GPC5: variants seen among roughly 807,000 people sequenced by gnomAD.
GPC5 encodes the protein glypican-5.
In GPC5, 47 loss-of-function variants were observed where a neutral mutation model predicts 53.9. That is an observed-to-expected ratio of 0.87 (90% CI 0.69 to 1.11). The LOEUF (loss-of-function observed/expected upper bound fraction) is 1.11. GPC5 is among the 50% of genes most tolerant of loss of function. The probability of loss-of-function intolerance (pLI) is 0.00; values close to 1 mark genes in which losing one functional copy is unlikely to be tolerated. For synonymous variants in GPC5, 286 were observed against 263.3 expected (o/e 1.09, Z -0.84); for missense variants, 748 against 713.1 (o/e 1.05, Z -0.56).
At chr13:92,731,347 C>T (rs1888797974) in intron 7 of GPC5, among the ~76,000 whole-genome samples, 1 of 151,270 alleles carries the variant, frequency 6.6e-6, no homozygotes, top group South Asian at 2.1e-4. Context: ...AACAAAAATA[C>T]AGTGGTGACT....
At chr13:91,404,090 T>A (rs1438223443) in intron 1 of GPC5, among the ~76,000 whole-genome samples, 8 of 152,234 alleles carry the variant, frequency 5.3e-5, no homozygotes, top group Non-Finnish European at 1.2e-4. Flanking sequence ...TTTTTCCTTG[T>A]TTCCAGCCTG....
At chr13:92,237,516 A>G (rs2042579321) in intron 7 of GPC5, among the ~76,000 whole-genome samples, 1 of 152,054 alleles carries the variant, frequency 6.6e-6, no homozygotes, top group South Asian at 2.1e-4. Context: ...CCACACCCTG[A>G]CAGTCTTGTG....
chr13:92,178,550 A>G (rs1471080051), intron 7 of GPC5, among the ~76,000 whole-genome samples: 1 of 151,580 alleles, frequency 6.6e-6, no homozygotes, highest in Non-Finnish European at 1.5e-5. Flanking sequence ...TTATATATTT[A>G]TATGCCAGCT....
intron 6 of GPC5, among the ~76,000 whole-genome samples, chr13:92,069,444 GTGTA>G (rs1482999299): frequency 1.4e-5 from 2 of 138,814 alleles, no homozygotes; most frequent in African/African-American, 5.3e-5. Flanking sequence ...GTGTGTGTGT[GTGTA>G]TTCCTTGGGA....
intron 5 of GPC5, among the ~76,000 whole-genome samples, chr13:91,867,161 G>A (rs2039093899): frequency 6.6e-6 from 1 of 152,234 alleles, no homozygotes; most frequent in Non-Finnish European, 1.5e-5. Flanking sequence ...GTTGTGGCAA[G>A]CCGAGGTCAC....
intron 7 of GPC5, among the ~76,000 whole-genome samples, chr13:92,318,399 C>A (rs1486245287): frequency 6.6e-6 from 1 of 152,112 alleles, no homozygotes; most frequent in African/African-American, 2.4e-5. Context: ...AGTAACACAG[C>A]CTTCTACATT....
At chr13:92,087,447 A>G (rs2041344424) in intron 6 of GPC5, among the ~76,000 whole-genome samples, 1 of 152,162 alleles carries the variant, frequency 6.6e-6, no homozygotes, top group Non-Finnish European at 1.5e-5. Flanking sequence ...GTTACCCTCC[A>G]TTATCTTCCC....
At chr13:92,587,778 G>A (rs1326084407) in intron 7 of GPC5, among the ~76,000 whole-genome samples, 1 of 152,058 alleles carries the variant, frequency 6.6e-6, no homozygotes, top group African/African-American at 2.4e-5. Flanking sequence ...CACTCCTGGA[G>A]GCAGCCATGC....
At chr13:92,655,429 G>T (rs1322754644) in intron 7 of GPC5, among the ~76,000 whole-genome samples, 1 of 151,906 alleles carries the variant, frequency 6.6e-6, no homozygotes, top group South Asian at 2.1e-4. Context: ...CCGCTTCCTC[G>T]GTTCAAGCGA....
At chr13:92,253,866 A>C (rs1475414765) in intron 7 of GPC5, among the ~76,000 whole-genome samples, 1 of 152,134 alleles carries the variant, frequency 6.6e-6, no homozygotes, top group Admixed American at 6.6e-5. Context: ...TTAGGGTCCC[A>C]AAAGGAATAA....
At chr13:92,121,305 C>G (rs149873510) in intron 6 of GPC5, among the ~76,000 whole-genome samples, 29 of 152,108 alleles carry the variant, frequency 1.9e-4, no homozygotes, top group African/African-American at 6.5e-4. Context: ...GGTGAAAGTT[C>G]TGGTTCAGGT....
At position 91,481,979 on chromosome 13, in the gene GPC5, C is replaced by G. The variant is rs79161126; in HGVS notation, c.325+33057C>G. Among the ~76,000 whole-genome samples, 1,198 of 152,236 alleles carry G rather than the reference C, an allele frequency of 7.9e-3. 19 individuals carry two copies. Among genetic ancestry groups the G allele is most frequent in the African/African-American group, 0.027 (1,130 of 41,548 alleles). On this transcript the variant is annotated intron_variant, in intron 2 of 7. Transcript: ENST00000377067. ...ATTACACCTGATTCAAATTTGACAG[C>G]CTTTTGAAAGACATAGTAAAAGGAT...
chr13:92,799,093 A>G (rs147305650), intron 7 of GPC5, among the ~76,000 whole-genome samples: 3 of 151,802 alleles, frequency 2.0e-5, no homozygotes, highest in Non-Finnish European at 4.4e-5. Context: ...TTTTCATTTA[A>G]TGAAACAAAA....
At position 91,627,186 on chromosome 13, in the gene GPC5, G is replaced by A. The variant is rs551947604; in HGVS notation, c.326-66001G>A. Reference sequence around the variant, plus strand: ...GCTGGGACTACAGGCGCCCGCCACCGCGCCCGGCTAATTTTTTGTATTTTT... The same window carrying A: ...GCTGGGACTACAGGCGCCCGCCACCACGCCCGGCTAATTTTTTGTATTTTT... On this transcript the variant is annotated intron_variant, in intron 2 of 7. Transcript: ENST00000377067. 1.0e-4 allele frequency among the ~76,000 whole-genome samples: 2 copies of A among 19,148 alleles called. 1 individual carries two copies. The highest frequency in any genetic ancestry group is 1.5e-4 in the Non-Finnish European group (2 of 13,782). 12.6% of individuals were successfully genotyped at this position (19,148 alleles called of 152,430 possible). A position where few individuals can be genotyped will look rare whatever the true frequency, so the allele number is the denominator to read the frequency against.
At chr13:92,166,010 C>A (rs1264430776) in intron 7 of GPC5, among the ~76,000 whole-genome samples, 1 of 152,136 alleles carries the variant, frequency 6.6e-6, no homozygotes, top group Non-Finnish European at 1.5e-5. Flanking sequence ...GTATAAAAAA[C>A]TTCACTCTAT....
intron 7 of GPC5, among the ~76,000 whole-genome samples, chr13:92,332,608 T>C (rs138951291): frequency 2.9e-4 from 44 of 152,288 alleles, no homozygotes; most frequent in African/African-American, 1.0e-3. Flanking sequence ...CATATGTTAA[T>C]AACTATTAAT....
At chr13:92,381,908 TG>T (rs1445928852) in intron 7 of GPC5, among the ~76,000 whole-genome samples, 2 of 136,678 alleles carry the variant, frequency 1.5e-5, no homozygotes, top group South Asian at 2.2e-4. Context: ...ATCATATATA[TG>T]ATATATATAA....
intron 7 of GPC5, among the ~76,000 whole-genome samples, chr13:92,528,903 C>A (rs1881457074): frequency 1.3e-5 from 2 of 151,794 alleles, no homozygotes; most frequent in African/African-American, 4.8e-5. Context: ...GATCATAAAG[C>A]TTACAACTTA....
intron 2 of GPC5, among the ~76,000 whole-genome samples, chr13:91,450,996 C>T (rs888906380): frequency 6.6e-6 from 1 of 152,136 alleles, no homozygotes; most frequent in Non-Finnish European, 1.5e-5. Flanking sequence ...CAAGAGATCA[C>T]TTTGCTGTAC....
Sources: allele counts gnomAD v4.1 joint callset (sites outside exome capture counted in the v4.1 genomes callset), GRCh38; gene constraint gnomAD v4.1.1; transcripts MANE v1.5; gene names NCBI Gene and HGNC (gene_info 2026-07-23, HGNC 2026-07-21).